GALNTL6: variants seen among roughly 807,000 people sequenced by gnomAD.
The protein encoded by GALNTL6 is polypeptide N-acetylgalactosaminyltransferase like 6, also known as polypeptide N-acetylgalactosaminyltransferase-like 6.
Under a neutral mutation model 73.7 loss-of-function variants are expected in GALNTL6, and 46 were observed. The ratio of observed to expected loss-of-function variants is 0.62; its 90% confidence interval spans 0.49 to 0.80. The LOEUF (loss-of-function observed/expected upper bound fraction) is 0.80. GALNTL6 is among the 30% of genes least tolerant of loss of function. The pLI is 0.00. For synonymous variants in GALNTL6, 259 were observed against 263.7 expected (o/e 0.98, Z 0.17); for missense variants, 604 against 755.0 (o/e 0.80, Z 2.34).
chr4:172,467,564 G>A (rs181484859), intron 5 of GALNTL6, among the ~76,000 whole-genome samples: 99 of 152,258 alleles, frequency 6.5e-4, no homozygotes, highest in African/African-American at 2.2e-3. Flanking sequence ...AAGAGAGTAT[G>A]TCTGGTATCT....
At chr4:172,636,165 A>G (rs1272846883) in intron 5 of GALNTL6, among the ~76,000 whole-genome samples, 1 of 152,204 alleles carries the variant, frequency 6.6e-6, no homozygotes, top group African/African-American at 2.4e-5. Flanking sequence ...CAGATTCACT[A>G]TTATAGAAAT....
chr4:171,961,104 A>T (rs1303613868), intron 2 of GALNTL6, among the ~76,000 whole-genome samples: 1 of 152,134 alleles, frequency 6.6e-6, no homozygotes, highest in Admixed American at 6.5e-5. Context: ...AATACTGAGG[A>T]TACCCCTGGC....
intron 2 of GALNTL6, among the ~76,000 whole-genome samples, chr4:172,201,527 G>GT (rs202238020): frequency 0.042 from 6,192 of 148,636 alleles, 391 homozygotes; most frequent in African/African-American, 0.14. Context: ...TTTGTTTTTT[G>GT]TTTTTGTTTT....
At chr4:172,868,118 T>G (rs1744750635) in intron 7 of GALNTL6, among the ~76,000 whole-genome samples, 1 of 152,220 alleles carries the variant, frequency 6.6e-6, no homozygotes, top group African/African-American at 2.4e-5. Flanking sequence ...TCTATTCTAT[T>G]TACAGCCAAA....
At chr4:172,018,541 T>A (rs1050006701) in intron 2 of GALNTL6, among the ~76,000 whole-genome samples, 1 of 152,042 alleles carries the variant, frequency 6.6e-6, no homozygotes, top group Non-Finnish European at 1.5e-5. Context: ...TTGGCAAGCC[T>A]GGTCTTGCTC....
At chr4:172,494,406 A>G (rs1219980330) in intron 5 of GALNTL6, among the ~76,000 whole-genome samples, 1 of 152,188 alleles carries the variant, frequency 6.6e-6, no homozygotes, top group African/African-American at 2.4e-5. Flanking sequence ...TGATACTGAG[A>G]TAATTAACCA....
intron 2 of GALNTL6, among the ~76,000 whole-genome samples, chr4:171,833,270 T>C (rs144252225): frequency 2.0e-5 from 3 of 151,808 alleles, no homozygotes; most frequent in African/African-American, 7.2e-5. Flanking sequence ...TTTTTATGAA[T>C]TTATATTTTA....
intron 5 of GALNTL6, among the ~76,000 whole-genome samples, chr4:172,534,892 A>G (rs1735292395): frequency 6.6e-6 from 1 of 152,150 alleles, no homozygotes; most frequent in Non-Finnish European, 1.5e-5. Flanking sequence ...GAAGATTTAC[A>G]AACCTGAAAA....
At chr4:172,385,046 A>G (rs1579020893) in intron 5 of GALNTL6, among the ~76,000 whole-genome samples, 1 of 131,814 alleles carries the variant, frequency 7.6e-6, no homozygotes, top group Non-Finnish European at 1.6e-5. Context: ...TTTTTTACCC[A>G]TTGGTTATTT....
intron 5 of GALNTL6, among the ~76,000 whole-genome samples, chr4:172,445,101 C>T (rs532223666): frequency 6.6e-6 from 1 of 152,274 alleles, no homozygotes; most frequent in Non-Finnish European, 1.5e-5. Context: ...AACCAGGGCA[C>T]TATTCCTCAG....
rs563399992 is a variant in GALNTL6, at chr4:172,289,759, C to T, written c.248-21855C>T. On this transcript the variant is annotated intron_variant, in intron 3 of 12. Transcript: ENST00000506823. ...AAAACTGAGACCATGAACTCAGGTT[C>T]CCTCAAGCTCTGCACAGCTAAAAGC... Among the ~76,000 whole-genome samples, 3 of 152,264 alleles carry T rather than the reference C, an allele frequency of 2.0e-5. No homozygotes were observed. The South Asian group carries it at 6.2e-4, about 32-fold the overall frequency.
intron 2 of GALNTL6, among the ~76,000 whole-genome samples, chr4:172,129,661 C>T (rs1269764290): frequency 6.6e-6 from 1 of 152,120 alleles, no homozygotes; most frequent in Non-Finnish European, 1.5e-5. Flanking sequence ...AAATATTAAA[C>T]ATGTGTGGAG....
intron 2 of GALNTL6, among the ~76,000 whole-genome samples, chr4:171,934,746 A>G (rs549037227): frequency 3.1e-4 from 47 of 152,244 alleles, no homozygotes; most frequent in Non-Finnish European, 5.3e-4. Context: ...TTCACTAACG[A>G]AGTGGTTCAT....
intron 5 of GALNTL6, among the ~76,000 whole-genome samples, chr4:172,374,850 G>T (rs1320002509): frequency 6.6e-6 from 1 of 152,260 alleles, no homozygotes; most frequent in South Asian, 2.1e-4. Flanking sequence ...CTCCAAGCGA[G>T]GTTGAAGGTT....
chr4:172,129,231 G>C (rs553099882), intron 2 of GALNTL6, among the ~76,000 whole-genome samples: 4 of 152,178 alleles, frequency 2.6e-5, no homozygotes, highest in African/African-American at 9.6e-5. Flanking sequence ...AAATAAAAAC[G>C]TCAACAGATT....
chr4:172,056,619 T>C (rs1249575155), intron 2 of GALNTL6, among the ~76,000 whole-genome samples: 1 of 152,000 alleles, frequency 6.6e-6, no homozygotes, highest in Non-Finnish European at 1.5e-5. Context: ...AAATTAAGTA[T>C]TATCAGGTTT....
intron 2 of GALNTL6, among the ~76,000 whole-genome samples, chr4:171,880,696 A>T (rs1316895562): frequency 6.6e-6 from 1 of 152,220 alleles, no homozygotes; most frequent in Non-Finnish European, 1.5e-5. Context: ...ATCCCTATAG[A>T]GCAGGTTATT....
At chr4:171,872,917 T>C (rs1048906557) in intron 2 of GALNTL6, among the ~76,000 whole-genome samples, 1 of 152,198 alleles carries the variant, frequency 6.6e-6, no homozygotes, top group Non-Finnish European at 1.5e-5. Context: ...GGCAAGATGA[T>C]TGACATGGAG....
At chr4:172,445,009 T>A (rs755726084) in intron 5 of GALNTL6, among the ~76,000 whole-genome samples, 26 of 152,072 alleles carry the variant, frequency 1.7e-4, no homozygotes, top group Non-Finnish European at 2.4e-4. Context: ...AGCTATGAAT[T>A]TAGGGAAAAG....
Sources: gnomAD v4.1 joint callset for allele counts (sites outside exome capture counted in the v4.1 genomes callset) on GRCh38, gnomAD v4.1.1 for gene constraint, MANE v1.5 for transcripts, NCBI Gene and HGNC (gene_info 2026-07-23, HGNC 2026-07-21) for gene names.